RPS6KA2: variants seen among roughly 807,000 people sequenced by gnomAD.
The protein encoded by RPS6KA2 is ribosomal protein S6 kinase A2, also known as ribosomal protein S6 kinase alpha-2.
In RPS6KA2, 42 loss-of-function variants were observed where a neutral mutation model predicts 91.8. That is an observed-to-expected ratio of 0.46 (90% CI 0.36 to 0.59). RPS6KA2 has a LOEUF of 0.59. Ranked by LOEUF, RPS6KA2 falls within the 20% of genes least tolerant of loss-of-function variation. The pLI is 0.00. For missense variants in RPS6KA2, 798 were observed against 978.5 expected (o/e 0.82, Z 2.46); for synonymous variants, 414 against 393.6 (o/e 1.05, Z -0.61).
intron 2 of RPS6KA2, among the ~76,000 whole-genome samples, chr6:166,636,226 T>C (rs1022452660): frequency 4.0e-5 from 6 of 151,380 alleles, no homozygotes; most frequent in Non-Finnish European, 8.8e-5. Context: ...CTCCTTCCTC[T>C]GCCTGGGCCC....
chr6:166,511,444 ATTC>A (rs1243347806), intron 3 of RPS6KA2, among the ~76,000 whole-genome samples: 2 of 152,220 alleles, frequency 1.3e-5, no homozygotes, highest in Non-Finnish European at 2.9e-5. Flanking sequence ...ACAGCTACAT[ATTC>A]TTCTTAGTGC....
intron 13 of RPS6KA2, among the ~76,000 whole-genome samples, chr6:166,449,982 G>GGGACCGCCATGGGAACCACCATGA (rs1471332487): frequency 1.3e-4 from 19 of 151,410 alleles, no homozygotes; most frequent in South Asian, 2.1e-4. Context: ...GACCACCACA[G>GGGACCGCCATGGGAACCACCATGA]GGACCGCCAT....
chr6:166,568,558 C>T (rs994086865), intron 1 of RPS6KA2, among the ~76,000 whole-genome samples: 4 of 128,404 alleles, frequency 3.1e-5, no homozygotes, highest in African/African-American at 8.5e-5. Context: ...GCAGAGGTTG[C>T]GGAGAGCCGA....
Position 166,533,594 on chromosome 6 carries a change from C to A in RPS6KA2, c.217-2281G>T, listed in dbSNP as rs1783372268. On this transcript the variant is annotated intron_variant, in intron 2 of 20. Coordinates refer to ENST00000265678, the MANE Select transcript of RPS6KA2 (RefSeq NM_021135.6). The surrounding 1 kb of genome is among the most constrained non-coding windows in gnomAD (Gnocchi z 4.0). Reference sequence around the variant, plus strand: ...GGTGCAAAACGTTCCAGCTGCCACTCCCTGCTGTGGCAACTGAGGACACCT... The same window carrying A: ...GGTGCAAAACGTTCCAGCTGCCACTACCTGCTGTGGCAACTGAGGACACCT... Among the ~76,000 whole-genome samples the A allele has an allele frequency of 6.6e-6, 1 of 152,188 alleles. No homozygotes were observed. Among genetic ancestry groups the A allele is most frequent in the Non-Finnish European group, 1.5e-5 (1 of 68,038 alleles).
intron 1 of RPS6KA2, among the ~76,000 whole-genome samples, chr6:166,616,912 C>T (rs956607819): frequency 1.3e-5 from 2 of 152,190 alleles, no homozygotes; most frequent in African/African-American, 4.8e-5. Flanking sequence ...ATCTAAGGTG[C>T]GCCAAGGCCC....
intron 2 of RPS6KA2, among the ~76,000 whole-genome samples, chr6:166,711,073 C>T (rs7738343): frequency 0.16 from 24,577 of 151,720 alleles, 2,098 homozygotes; most frequent in Admixed American, 0.19. Context: ...AACATCCCCC[C>T]AGGGGTGGTG....
chr6:166,666,211 G>A lies in RPS6KA2; in HGVS notation c.124-127427C>T, dbSNP rs1163252426. Among the ~76,000 whole-genome samples the A allele has an allele frequency of 6.6e-6, 1 of 152,174 alleles. No individual in the cohort carries two copies. Among genetic ancestry groups the A allele is most frequent in the Non-Finnish European group, 1.5e-5 (1 of 68,028 alleles). On this transcript the variant is annotated intron_variant, in intron 2 of 21. Coordinates refer to the RPS6KA2 transcript ENST00000503859. The surrounding 1 kb of genome is among the most constrained non-coding windows in gnomAD (Gnocchi z 4.0). ...ACGGGGTCTGCCCCATCTAGTGAGT[G>A]CTCTGCTGTGCATCAGAGAGAGGGG...
At chr6:166,820,269 C>T (rs746650178) in intron 2 of RPS6KA2, among the ~76,000 whole-genome samples, 5 of 152,210 alleles carry the variant, frequency 3.3e-5, no homozygotes, top group Non-Finnish European at 7.3e-5. Flanking sequence ...ACCAGCCTCC[C>T]ATGTCTGTCC....
rs750967789 is a variant in RPS6KA2 at position 166,812,913 on chromosome 6, C to T, written c.123+45287G>A. 4.6e-5 allele frequency among the ~76,000 whole-genome samples: 7 copies of T among 152,098 alleles called. 1 individual carries two copies. The highest frequency in any genetic ancestry group is 3.9e-4 in the Admixed American group (6 of 15,272). On this transcript the variant is annotated intron_variant, in intron 2 of 21. Transcript: ENST00000503859. ...CACCAAGACAGTTTTCTATAGAAAT[C>T]GGGAAACTCTCCAGCTCTCACTGAA...
At chr6:166,808,768 A>G (rs1779557857) in intron 2 of RPS6KA2, among the ~76,000 whole-genome samples, 1 of 152,244 alleles carries the variant, frequency 6.6e-6, no homozygotes, top group African/African-American at 2.4e-5. Flanking sequence ...TATCAAGTAT[A>G]GTCATATAAA....
chr6:166,462,625 C>T (rs1157927196), intron 11 of RPS6KA2, among the ~76,000 whole-genome samples: 2 of 152,204 alleles, frequency 1.3e-5, no homozygotes, highest in Non-Finnish European at 2.9e-5. Flanking sequence ...CTGTGCCTAG[C>T]CCGGTGCTGC....
chr6:166,814,751 C>T (rs1301396557), intron 2 of RPS6KA2, among the ~76,000 whole-genome samples: 1 of 152,232 alleles, frequency 6.6e-6, no homozygotes, highest in Non-Finnish European at 1.5e-5. Flanking sequence ...GTTGCCCACT[C>T]CTTATGAGAA....
In RPS6KA2 at chr6:166,804,158, T is replaced by C. The variant is rs73266882; in HGVS notation, c.123+54042A>G. Among the ~76,000 whole-genome samples, 776 of 133,444 alleles carry C rather than the reference T, an allele frequency of 5.8e-3. 8 individuals are homozygous for C. The highest frequency in any genetic ancestry group is 0.019 in the African/African-American group (729 of 38,992). 87.5% of individuals were successfully genotyped at this position (133,444 alleles called of 152,430 possible). On this transcript the variant is annotated intron_variant, in intron 2 of 21. Coordinates refer to the RPS6KA2 transcript ENST00000503859. ...GATAATAATTATAACTGGAATAATA[T>C]ATGTAAATTAGTAAAAAAAAAATAC...
At chr6:166,552,497 A>G (rs1784051899) in intron 1 of RPS6KA2, among the ~76,000 whole-genome samples, 1 of 152,184 alleles carries the variant, frequency 6.6e-6, no homozygotes, top group Non-Finnish European at 1.5e-5. Flanking sequence ...ACAATATATA[A>G]GTGTTCAAGA....
intron 2 of RPS6KA2, among the ~76,000 whole-genome samples, chr6:166,650,275 C>A (rs970247986): frequency 2.0e-5 from 3 of 152,006 alleles, no homozygotes; most frequent in Non-Finnish European, 2.9e-5. Context: ...CCACAGGAAG[C>A]CTTTCATCAC....
intron 1 of RPS6KA2, among the ~76,000 whole-genome samples, chr6:166,569,220 G>A (rs566883883): frequency 6.6e-5 from 10 of 152,286 alleles, no homozygotes; most frequent in African/African-American, 2.2e-4. Context: ...CTGAGACCCC[G>A]CAGGGGCCTT....
chr6:166,660,163 CATT>C (rs146126571), intron 2 of RPS6KA2, among the ~76,000 whole-genome samples: 75 of 152,294 alleles, frequency 4.9e-4, no homozygotes, highest in African/African-American at 1.7e-3. Context: ...TTCAATAGCT[CATT>C]GTTTCATAAA....
chr6:166,797,530 G>A (rs943924068), intron 2 of RPS6KA2, among the ~76,000 whole-genome samples: 1 of 152,232 alleles, frequency 6.6e-6, no homozygotes, highest in South Asian at 2.1e-4. Flanking sequence ...TCTCACAATA[G>A]GGTAACTAGA....
chr6:166,492,384 T>C (rs911890078), intron 8 of RPS6KA2, among the ~76,000 whole-genome samples: 2 of 152,328 alleles, frequency 1.3e-5, no homozygotes, highest in Admixed American at 1.3e-4. Flanking sequence ...ATGCTCTGAC[T>C]GGCAGATGAG....
Sources: gnomAD v4.1 joint callset for allele counts (sites outside exome capture counted in the v4.1 genomes callset) on GRCh38, gnomAD v4.1.1 for gene constraint, Gnocchi (gnomAD v3.1) non-coding constraint, MANE v1.5 for transcripts, NCBI Gene and HGNC (gene_info 2026-07-23, HGNC 2026-07-21) for gene names.